The following NCOA1 variants were observed in gnomAD, a reference collection of about 807,000 sequenced individuals.
NCOA1 encodes the protein Hin-2 protein.
In NCOA1, 35 loss-of-function variants were observed where a neutral mutation model predicts 150.9. The ratio of observed to expected loss-of-function variants is 0.23; its 90% CI spans 0.18 to 0.31. NCOA1 has a LOEUF of 0.31. NCOA1 is among the 10% of genes least tolerant of loss of function. The pLI, the probability that NCOA1 is intolerant of heterozygous loss-of-function variation, is 1.00. For synonymous variants in NCOA1, 590 were observed against 630.0 expected, an observed-to-expected ratio of 0.94 and a Z score of 0.95; for missense variants, 1,491 against 1,749.3, an observed-to-expected ratio of 0.85 and a Z score of 2.63.
chr2:24,560,954 CTT>C (rs1308185559), intron 1 of NCOA1, among the ~76,000 whole-genome samples: 1 of 152,068 alleles, frequency 6.6e-6, no homozygotes, highest in Admixed American at 6.6e-5. Context: ...AGAAATAAGA[CTT>C]AAATTCATAA....
chr2:24,514,285 CAAAAAAAAAA>C (rs57412614), intron 1 of NCOA1, among the ~76,000 whole-genome samples: 2 of 32,958 alleles, frequency 6.1e-5, no homozygotes, highest in Non-Finnish European at 1.1e-4. Flanking sequence ...GACTCTGTCT[CAAAAAAAAAA>C]AAAAAAAAAA....
intron 1 of NCOA1, among the ~76,000 whole-genome samples, chr2:24,541,759 C>G (rs959602251): frequency 1.3e-5 from 2 of 152,194 alleles, no homozygotes; most frequent in Non-Finnish European, 2.9e-5. Context: ...GGCCATCCCT[C>G]TTGTAGTGTG....
chr2:24,671,768 C>T (rs528018168), intron 6 of NCOA1, among the ~76,000 whole-genome samples: 1 of 152,210 alleles, frequency 6.6e-6, no homozygotes, highest in African/African-American at 2.4e-5. Flanking sequence ...ACCATGTTGG[C>T]CAGGCTGGTC....
chr2:24,526,027 T>C (rs1664639010), intron 1 of NCOA1, among the ~76,000 whole-genome samples: 1 of 152,208 alleles, frequency 6.6e-6, no homozygotes, highest in South Asian at 2.1e-4. Flanking sequence ...TACAGACATC[T>C]GTTCTGTCTT....
intron 3 of NCOA1, among the ~76,000 whole-genome samples, chr2:24,641,347 A>C (rs944325270): frequency 1.3e-4 from 19 of 151,574 alleles, no homozygotes; most frequent in Admixed American, 4.6e-4. Context: ...TCTTTTAAAG[A>C]AAATACATAC....
chr2:24,700,686 A>G (rs1673116354), intron 11 of NCOA1, among the ~76,000 whole-genome samples: 2 of 152,184 alleles, frequency 1.3e-5, no homozygotes, highest in Admixed American at 1.3e-4. Context: ...AGTTTGGAAA[A>G]AGTTCCCAGG....
intron 4 of NCOA1, among the ~76,000 whole-genome samples, chr2:24,655,859 T>C (rs959127473): frequency 2.6e-5 from 4 of 151,208 alleles, no homozygotes; most frequent in East Asian, 1.9e-4. Context: ...GAGGCCGAGG[T>C]GGGCAGATCA....
intron 3 of NCOA1, among the ~76,000 whole-genome samples, chr2:24,599,530 G>T (rs544519991): frequency 1.3e-5 from 2 of 152,244 alleles, no homozygotes; most frequent in East Asian, 3.9e-4. Context: ...GAGTGTCTCA[G>T]ATTGAGGCCC....
chr2:24,685,113 C>T (rs1283401418), intron 8 of NCOA1, among the ~76,000 whole-genome samples: 1 of 151,792 alleles, frequency 6.6e-6, no homozygotes, highest in Admixed American at 6.6e-5. Flanking sequence ...TATATATTCA[C>T]CTTATATACA....
intron 3 of NCOA1, among the ~76,000 whole-genome samples, chr2:24,623,224 AAAG>A (rs1242516682): frequency 9.2e-5 from 14 of 152,346 alleles, no homozygotes; most frequent in African/African-American, 3.4e-4. Flanking sequence ...CAAAGGACTA[AAAG>A]AAGTTAGAGG....
chr2:24,544,633 G>C (rs1221308687), intron 1 of NCOA1, among the ~76,000 whole-genome samples: 1 of 152,084 alleles, frequency 6.6e-6, no homozygotes, highest in Admixed American at 6.6e-5. Flanking sequence ...TCCCAGCTAG[G>C]GCAGCTGGGG....
At chr2:24,753,370 A>G (rs776109104) in intron 20 of NCOA1, among the ~76,000 whole-genome samples, 73 of 103,032 alleles carry the variant, frequency 7.1e-4, no homozygotes, top group Non-Finnish European at 1.2e-3. Flanking sequence ...TGGCTTGGGG[A>G]AAAAAAAAAA....
rs747967399 is a variant in NCOA1 at position 24,707,992 on chromosome 2, C to T, written c.2418+104C>T. 4.4e-4 allele frequency: 597 copies of T among 1,369,448 alleles called. 1 individual carries two copies. Among genetic ancestry groups the T allele is most frequent in the Non-Finnish European group, 5.6e-4 (574 of 1,024,050 alleles). The allele number at this position is 1,369,448 out of a possible 1,614,324, so 84.8% of individuals were successfully genotyped here. ...GATATGAATTCATACTATGTTTTAT[C>T]CTATCCATTGGGCATATATTAAGAG... On this transcript the variant is annotated intron_variant, in intron 13 of 22. Coordinates refer to ENST00000348332, the MANE Select transcript of NCOA1 (RefSeq NM_003743.5).
chr2:24,600,499 A>G (rs1012637112), intron 3 of NCOA1, among the ~76,000 whole-genome samples: 3 of 152,024 alleles, frequency 2.0e-5, no homozygotes, highest in African/African-American at 7.2e-5. Context: ...GAGCCACCAC[A>G]CCTGTCTGCA....
chr2:24,655,987 C>T (rs1670926517), intron 4 of NCOA1, among the ~76,000 whole-genome samples: 1 of 149,952 alleles, frequency 6.7e-6, no homozygotes, highest in African/African-American at 2.5e-5. Flanking sequence ...ACTCGGGAGG[C>T]TGAGGCAGGA....
At chr2:24,684,157 T>C (rs1329364541) in intron 8 of NCOA1, among the ~76,000 whole-genome samples, 1 of 152,194 alleles carries the variant, frequency 6.6e-6, no homozygotes, top group Non-Finnish European at 1.5e-5. Context: ...TAAGATTTCT[T>C]TCCTTGGCCA....
intron 1 of NCOA1, among the ~76,000 whole-genome samples, chr2:24,550,427 A>C (rs990343687): frequency 5.9e-5 from 9 of 152,280 alleles, no homozygotes; most frequent in South Asian, 2.1e-4. Flanking sequence ...GGGGAGGAGG[A>C]GTGAGTCACA....
chr2:24,758,159 A>T lies in NCOA1; in HGVS notation c.4065+3A>T. 6.2e-7 allele frequency: 1 copy of T among 1,606,602 alleles called. No homozygotes were observed. The highest frequency in any genetic ancestry group is 8.5e-7 in the Non-Finnish European group (1 of 1,174,130). On this transcript the variant is annotated splice_donor_region_variant and intron_variant, in intron 21 of 22. Transcript: ENST00000348332. The stretch of plus-strand genomic sequence containing the variant: ...TGAACACTGTGTGCCCTGAGCAGGT[A>T]AGTGGCACACTCGCCACACACATGC...
intron 1 of NCOA1, among the ~76,000 whole-genome samples, chr2:24,505,964 A>G (rs982507534): frequency 8.6e-5 from 13 of 152,022 alleles, no homozygotes; most frequent in African/African-American, 3.1e-4. Flanking sequence ...ACAGATAGAC[A>G]GACTCACTCA....
Sources: gnomAD v4.1 joint callset for allele counts (sites outside exome capture counted in the v4.1 genomes callset) on GRCh38, gnomAD v4.1.1 for gene constraint, MANE v1.5 for transcripts, NCBI Gene and HGNC (gene_info 2026-07-23, HGNC 2026-07-21) for gene names.